The following OTOGL variants were observed in gnomAD, a reference collection of about 807,000 sequenced individuals.
The protein encoded by OTOGL is otogelin like.
OTOGL carries 285 observed loss-of-function variants against 318.5 expected under a neutral mutation model. The ratio of observed to expected loss-of-function variants is 0.89; its 90% CI spans 0.81 to 0.99. OTOGL has a LOEUF of 0.99. Ranked by LOEUF, OTOGL falls within the 50% of genes least tolerant of loss-of-function variation. The pLI is 0.00. For synonymous variants in OTOGL, 987 were observed against 936.5 expected, an observed-to-expected ratio of 1.05 and a Z score of -0.99; for missense variants, 2,899 against 2,845.6, an observed-to-expected ratio of 1.02 and a Z score of -0.43.
At chr12:80,147,654 G>T (rs1332030688) in intron 1 of OTOGL, among the ~76,000 whole-genome samples, 1 of 152,088 alleles carries the variant, frequency 6.6e-6, no homozygotes, top group Admixed American at 6.5e-5. Flanking sequence ...TGACAGTGGG[G>T]TGTTAAAGTC....
At chr12:80,234,616 A>G (rs1385035665) in intron 9 of OTOGL, among the ~76,000 whole-genome samples, 2 of 152,250 alleles carry the variant, frequency 1.3e-5, no homozygotes, top group Non-Finnish European at 2.9e-5. Context: ...CCTGGCACAT[A>G]GTAATACTCA....
intron 1 of OTOGL, among the ~76,000 whole-genome samples, chr12:80,182,428 A>G (rs991213678): frequency 2.6e-5 from 4 of 152,346 alleles, no homozygotes; most frequent in East Asian, 3.9e-4. Context: ...TTGCATCACC[A>G]TAGGAAATGA....
chr12:80,320,692 G>A lies in OTOGL; in HGVS notation c.4073G>A (p.Ser1358Asn), dbSNP rs193016709. The A allele has an allele frequency of 6.3e-7, 1 of 1,598,122 alleles. No individual in the cohort carries two copies. The highest frequency in any genetic ancestry group is 2.2e-5 in the East Asian group (1 of 44,694). Residue 1358 changes from serine to asparagine, a missense_variant, in exon 34 of 59, where the codon AGC (serine) becomes AAC (asparagine). Physicochemically the swap from Ser to Asn is conservative, Grantham distance 46. Transcript: ENST00000547103. ...GAATTTAAACATTCAAGTAGCTTCA[G>A]CATAGAAGGTATGTTTCCTGAGATC... ...SEEFKHSSSFSIEEIQAAVPY... is the reference protein window; with the variant it reads ...SEEFKHSSSFNIEEIQAAVPY...
chr12:80,249,141 G>A (rs1203163609), intron 11 of OTOGL, among the ~76,000 whole-genome samples: 16 of 146,640 alleles, frequency 1.1e-4, no homozygotes, highest in African/African-American at 2.4e-4. Context: ...TAATTTGATC[G>A]TCTGAAGCCT....
At chr12:80,298,635 A>T (rs1885568091) in intron 27 of OTOGL, among the ~76,000 whole-genome samples, 4 of 152,182 alleles carry the variant, frequency 2.6e-5, no homozygotes, top group Non-Finnish European at 4.4e-5. Context: ...GGTGGCAATC[A>T]GTACAGACGA....
chr12:80,373,083 A>T (rs1890979561), intron 57 of OTOGL, among the ~76,000 whole-genome samples: 2 of 152,194 alleles, frequency 1.3e-5, no homozygotes, highest in Admixed American at 1.3e-4. Flanking sequence ...AAAAATAGAA[A>T]TTTTGAGAAA....
At chr12:80,147,800 C>A (rs1454432541) in intron 1 of OTOGL, among the ~76,000 whole-genome samples, 1 of 152,112 alleles carries the variant, frequency 6.6e-6, no homozygotes, top group African/African-American at 2.4e-5. Flanking sequence ...ATCCCTTTAC[C>A]ATTATATAAT....
At chr12:80,118,003 C>T (rs1054117281) in intron 1 of OTOGL, among the ~76,000 whole-genome samples, 7 of 152,134 alleles carry the variant, frequency 4.6e-5, no homozygotes, top group Non-Finnish European at 8.8e-5. Context: ...ACTGTCCCAT[C>T]ACGCCTGTTG....
chr12:80,221,450 G>A (rs779567814), intron 6 of OTOGL, among the ~76,000 whole-genome samples: 7 of 151,808 alleles, frequency 4.6e-5, no homozygotes, highest in Non-Finnish European at 8.8e-5. Flanking sequence ...TTGTATTTTA[G>A]TAGAGACGGA....
chr12:80,284,807 A>C (rs1037712621), intron 26 of OTOGL, among the ~76,000 whole-genome samples: 1 of 152,036 alleles, frequency 6.6e-6, no homozygotes, highest in East Asian at 1.9e-4. Flanking sequence ...AGATTGCAAA[A>C]ATTTTTCCCA....
At chr12:80,158,468 G>A (rs1051743261) in intron 1 of OTOGL, among the ~76,000 whole-genome samples, 1 of 152,020 alleles carries the variant, frequency 6.6e-6, no homozygotes, top group African/African-American at 2.4e-5. Flanking sequence ...GGTTATCTCT[G>A]AAATGGCCTT....
At chr12:80,359,564 C>G (rs1431063089) in intron 52 of OTOGL, among the ~76,000 whole-genome samples, 3 of 152,148 alleles carry the variant, frequency 2.0e-5, no homozygotes, top group Non-Finnish European at 2.9e-5. Flanking sequence ...AATGTGTACA[C>G]TTAGAGAATT....
chr12:80,191,997 C>T (rs925637615), intron 1 of OTOGL, among the ~76,000 whole-genome samples: 2 of 152,178 alleles, frequency 1.3e-5, no homozygotes, highest in African/African-American at 4.8e-5. Flanking sequence ...TTAGCTATCC[C>T]TTAGAAGAAT....
chr12:80,186,917 A>C (rs1393187500), intron 1 of OTOGL, among the ~76,000 whole-genome samples: 1 of 152,138 alleles, frequency 6.6e-6, no homozygotes, highest in Non-Finnish European at 1.5e-5. Context: ...TTGGGTTAGA[A>C]TCCTCATGGA....
At chr12:80,282,582 A>G (rs1482772073) in intron 26 of OTOGL, among the ~76,000 whole-genome samples, 1 of 151,718 alleles carries the variant, frequency 6.6e-6, no homozygotes, top group Admixed American at 6.6e-5. Context: ...AGCCTACGGA[A>G]GGCACACTAA....
intron 1 of OTOGL, among the ~76,000 whole-genome samples, chr12:80,118,441 CA>C (rs1329936328): frequency 6.6e-6 from 1 of 152,146 alleles, no homozygotes; most frequent in Admixed American, 6.5e-5. Context: ...GTTTTCTTCC[CA>C]ACCCCGATGG....
chr12:80,294,036 A>AT (rs1159181137), intron 26 of OTOGL, among the ~76,000 whole-genome samples: 1 of 152,156 alleles, frequency 6.6e-6, no homozygotes, highest in Admixed American at 6.6e-5. Flanking sequence ...ATTCTGTATT[A>AT]AAGCTTTTAG....
chr12:80,331,150 A>G (rs1295134188), intron 37 of OTOGL, among the ~76,000 whole-genome samples: 1 of 152,156 alleles, frequency 6.6e-6, no homozygotes, highest in Non-Finnish European at 1.5e-5. Context: ...GAATAGCCAA[A>G]ACAGTCTTGA....
At chr12:80,149,746 C>G (rs1456069336) in intron 1 of OTOGL, among the ~76,000 whole-genome samples, 10 of 152,224 alleles carry the variant, frequency 6.6e-5, no homozygotes, top group Admixed American at 3.9e-4. Context: ...ACCCTCCAAG[C>G]CAGGTGTGGG....
Sources: allele counts gnomAD v4.1 joint callset (sites outside exome capture counted in the v4.1 genomes callset), GRCh38; gene constraint gnomAD v4.1.1; transcripts MANE v1.5; gene names NCBI Gene and HGNC (gene_info 2026-07-23, HGNC 2026-07-21).